UTY: variants seen among roughly 807,000 people sequenced by gnomAD.
UTY encodes histone demethylase UTY.
A neutral mutation model predicts 32.5 loss-of-function variants in UTY; 12 were observed. The observed-to-expected ratio is 0.37, with a 90% CI of 0.24 to 0.60. UTY has a LOEUF of 0.60. UTY is among the 20% of genes least tolerant of loss of function. UTY has a pLI of 0.69. For synonymous variants in UTY, 131 were observed against 103.4 expected (o/e 1.27, Z -1.62); for missense variants, 303 against 299.2 (o/e 1.01, Z -0.09).
At chrY:13,352,756 C>T (rs2062520960) in intron 17 of UTY, among the ~76,000 whole-genome samples, 1 of 34,023 alleles carries the variant, frequency 2.9e-5, no homozygotes, top group Non-Finnish European at 7.3e-5. Context: ...CTCCCATGGA[C>T]ATACAAATGT....
At chrY:13,428,851 T>C (rs759673503) in intron 4 of UTY, among the ~76,000 whole-genome samples, 2 of 33,902 alleles carry the variant, frequency 5.9e-5, no homozygotes, top group South Asian at 1.3e-3. Context: ...TGTGTCATCT[T>C]CTTTCACCAG....
chrY:13,426,041 A>ATC (rs2073228668), intron 4 of UTY, among the ~76,000 whole-genome samples: 1 of 32,948 alleles, frequency 3.0e-5, no homozygotes, highest in African/African-American at 1.2e-4. Context: ...AGAAGTGAAG[A>ATC]TCTATAAGAT....
intron 8 of UTY, among the ~76,000 whole-genome samples, chrY:13,379,102 G>C: frequency 3.0e-5 from 1 of 33,003 alleles, no homozygotes; most frequent in Non-Finnish European, 7.5e-5. Context: ...AGCGTAAAAT[G>C]AATTTACCAA....
At chrY:13,399,023 C>T (rs2068621219) in intron 6 of UTY, among the ~76,000 whole-genome samples, 3 of 32,722 alleles carry the variant, frequency 9.2e-5, no homozygotes, top group Admixed American at 8.6e-4. Context: ...AATGGAATAA[C>T]ACAAATGTTC....
At chrY:13,246,727 C>T (rs2053950866), downstream of UTY, among the ~76,000 whole-genome samples, 1 of 29,392 alleles carries the variant, frequency 3.4e-5, no homozygotes, top group Non-Finnish European at 8.1e-5. Context: ...CTAAAAAATA[C>T]AAAAAATTAG....
chrY:13,307,995 T>C, intron 21 of UTY, among the ~76,000 whole-genome samples: 2 of 32,582 alleles, frequency 6.1e-5, no homozygotes, highest in Non-Finnish European at 1.5e-4. Context: ...CTCATGCTTG[T>C]AATCCCAGCA....
At chrY:13,331,745 C>T in intron 18 of UTY, among the ~76,000 whole-genome samples, 1 of 33,741 alleles carries the variant, frequency 3.0e-5, no homozygotes, top group Non-Finnish European at 7.3e-5. Context: ...CTGAAAAACA[C>T]AGCATGAGAA....
intron 27 of UTY, among the ~76,000 whole-genome samples, chrY:13,293,588 A>G: frequency 3.0e-5 from 1 of 33,500 alleles, no homozygotes; most frequent in Admixed American, 2.7e-4. Flanking sequence ...AAGTGCTGGG[A>G]TTGTAGGCGT....
At chrY:13,333,669 A>C (rs2060846291) in intron 18 of UTY, among the ~76,000 whole-genome samples, 1 of 34,216 alleles carries the variant, frequency 2.9e-5, no homozygotes, top group African/African-American at 1.1e-4. Context: ...ATGGGCAAAG[A>C]CTTCATGACT....
At chrY:13,352,731 A>C (rs2062516260) in intron 17 of UTY, among the ~76,000 whole-genome samples, 1 of 34,257 alleles carries the variant, frequency 2.9e-5, no homozygotes, top group Non-Finnish European at 7.3e-5. Context: ...AAGGCCAAGG[A>C]AAGTAAAACT....
At chrY:13,274,706 C>T (rs748197206) in intron 27 of UTY, among the ~76,000 whole-genome samples, 1 of 30,248 alleles carries the variant, frequency 3.3e-5, no homozygotes, top group African/African-American at 1.3e-4. Context: ...TCACTTGAAC[C>T]CAGGAATCGG....
chrY:13,414,093 T>G, intron 5 of UTY, among the ~76,000 whole-genome samples: 1 of 34,295 alleles, frequency 2.9e-5, no homozygotes, highest in African/African-American at 1.1e-4. Context: ...GCAGAAAATA[T>G]GCATTTTTTG....
At chrY:13,295,548 T>C (rs754282076) in intron 27 of UTY, among the ~76,000 whole-genome samples, 1 of 33,833 alleles carries the variant, frequency 3.0e-5, no homozygotes, top group African/African-American at 1.2e-4. Context: ...TACTTTCCAT[T>C]AGTCCCGAAA....
chrY:13,281,465 T>G (rs2057010225), intron 27 of UTY, among the ~76,000 whole-genome samples: 1 of 32,876 alleles, frequency 3.0e-5, no homozygotes, highest in Non-Finnish European at 7.5e-5. Flanking sequence ...TCAAAAGAAA[T>G]AGAGTGGCTG....
chrY:13,259,943 T>C (rs2055140874), intron 28 of UTY, among the ~76,000 whole-genome samples: 2 of 33,728 alleles, frequency 5.9e-5, no homozygotes, highest in Non-Finnish European at 1.5e-4. Flanking sequence ...AAGGACTTCA[T>C]CCTGATCTGC....
chrY:13,280,496 C>T, intron 27 of UTY, among the ~76,000 whole-genome samples: 1 of 33,348 alleles, frequency 3.0e-5, no homozygotes, highest in African/African-American at 1.2e-4. Context: ...AGTACAACAA[C>T]GTCACAGAAT....
intron 4 of UTY, among the ~76,000 whole-genome samples, chrY:13,434,675 C>A (rs769693539): frequency 5.9e-5 from 2 of 33,864 alleles, no homozygotes; most frequent in South Asian, 1.3e-3. Context: ...AAGGATAAAA[C>A]ACACATTAAA....
chrY:13,426,060 G>T, intron 4 of UTY, among the ~76,000 whole-genome samples: 1 of 32,379 alleles, frequency 3.1e-5, no homozygotes, highest in Non-Finnish European at 7.6e-5. Context: ...ATGTCAGATG[G>T]AGAATTCAGA....
intron 27 of UTY, among the ~76,000 whole-genome samples, chrY:13,270,815 C>T (rs2056250151): frequency 3.0e-5 from 1 of 33,438 alleles, no homozygotes; most frequent in Non-Finnish European, 7.4e-5. Flanking sequence ...TGTGGTAGCT[C>T]ACGCCTGTAA....
Sources: gnomAD v4.1 joint callset for allele counts (sites outside exome capture counted in the v4.1 genomes callset) on GRCh38, gnomAD v4.1.1 for gene constraint, MANE v1.5 for transcripts, NCBI Gene and HGNC (gene_info 2026-07-23, HGNC 2026-07-21) for gene names.